Variants in KIAA1217 observed in about 807,000 individuals in gnomAD.
KIAA1217 encodes the protein KIAA1217, also known as sickle tail protein homolog.
Under a neutral mutation model 163.9 loss-of-function variants are expected in KIAA1217, and 88 were observed. The ratio of observed to expected loss-of-function variants is 0.54; its 90% CI spans 0.45 to 0.64. KIAA1217 has a LOEUF of 0.64. Among genes scored for constraint, KIAA1217 ranks in the 30% least tolerant of loss-of-function variants. The probability of loss-of-function intolerance (pLI) is 0.00; values close to 1 mark genes in which losing one functional copy is unlikely to be tolerated. For synonymous variants in KIAA1217, 903 were observed against 923.1 expected, an observed-to-expected ratio of 0.98 and a Z score of 0.39; for missense variants, 2,372 against 2,475.0, an observed-to-expected ratio of 0.96 and a Z score of 0.88.
At chr10:24,139,871 T>A (rs2063983430) in intron 2 of KIAA1217, among the ~76,000 whole-genome samples, 1 of 152,174 alleles carries the variant, frequency 6.6e-6, no homozygotes, top group South Asian at 2.1e-4. Flanking sequence ...TATGATAAAG[T>A]TTAATTTTTA....
intron 1 of KIAA1217, among the ~76,000 whole-genome samples, chr10:23,787,100 A>G (rs1018919767): frequency 6.6e-6 from 1 of 152,230 alleles, no homozygotes; most frequent in Non-Finnish European, 1.5e-5. Context: ...CAAGATAGTA[A>G]AAATGCGAGT....
intron 1 of KIAA1217, among the ~76,000 whole-genome samples, chr10:23,809,870 C>A (rs1449697722): frequency 6.6e-6 from 1 of 152,020 alleles, no homozygotes; most frequent in Non-Finnish European, 1.5e-5. Context: ...AGTTCTTTGA[C>A]TTATGACTTT....
chr10:24,152,726 T>TAAAA (rs34022726), intron 2 of KIAA1217, among the ~76,000 whole-genome samples: 2 of 144,738 alleles, frequency 1.4e-5, no homozygotes, highest in East Asian at 2.1e-4. Context: ...TCTATTCCCT[T>TAAAA]AAAAAAAAAA....
At chr10:24,010,445 A>G (rs1847191612) in intron 2 of KIAA1217, among the ~76,000 whole-genome samples, 2 of 151,814 alleles carry the variant, frequency 1.3e-5, no homozygotes, top group South Asian at 4.1e-4. Context: ...AGTTTTTTGA[A>G]AGTCAGAAAT....
At chr10:24,244,900 A>C (rs1275140793) in intron 2 of KIAA1217, among the ~76,000 whole-genome samples, 1 of 151,884 alleles carries the variant, frequency 6.6e-6, no homozygotes, top group East Asian at 1.9e-4. Context: ...TGATACTTTT[A>C]CTTCCTGACC....
intron 3 of KIAA1217, among the ~76,000 whole-genome samples, chr10:24,420,803 T>A (rs922812328): frequency 5.9e-5 from 9 of 152,182 alleles, no homozygotes; most frequent in Admixed American, 2.0e-4. Flanking sequence ...TTGTATGACC[T>A]CTTCTGTCAT....
intron 2 of KIAA1217, among the ~76,000 whole-genome samples, chr10:24,293,316 C>G (rs2079286575): frequency 6.6e-6 from 1 of 152,194 alleles, no homozygotes; most frequent in Admixed American, 6.5e-5. Flanking sequence ...AGTGATCTGC[C>G]AGCGTCGGCC....
intron 2 of KIAA1217, among the ~76,000 whole-genome samples, chr10:24,164,294 A>C (rs2065245859): frequency 6.6e-6 from 1 of 152,226 alleles, no homozygotes; most frequent in South Asian, 2.1e-4. Context: ...GGTTCACTTC[A>C]AGGATCACAT....
At chr10:24,065,722 G>T (rs2060914573) in intron 2 of KIAA1217, among the ~76,000 whole-genome samples, 1 of 152,156 alleles carries the variant, frequency 6.6e-6, no homozygotes, top group Non-Finnish European at 1.5e-5. Context: ...TCATTGATCT[G>T]TCTCATGTTG....
At chr10:24,110,735 C>T (rs1420152846) in intron 2 of KIAA1217, among the ~76,000 whole-genome samples, 2 of 152,088 alleles carry the variant, frequency 1.3e-5, no homozygotes, top group South Asian at 2.1e-4. Flanking sequence ...AATGGCAAAA[C>T]GGCATAAGTT....
At chr10:23,882,964 A>G (rs1199366572) in intron 1 of KIAA1217, among the ~76,000 whole-genome samples, 2 of 151,960 alleles carry the variant, frequency 1.3e-5, no homozygotes, top group African/African-American at 4.8e-5. Flanking sequence ...GAGAGTTTAC[A>G]TCTTTAGGAT....
chr10:24,009,475 A>G (rs1423558636), intron 2 of KIAA1217, among the ~76,000 whole-genome samples: 15 of 152,190 alleles, frequency 9.9e-5, no homozygotes, highest in Admixed American at 9.2e-4. Context: ...GTTTCAAATT[A>G]TAGCACTAAT....
intron 2 of KIAA1217, among the ~76,000 whole-genome samples, chr10:24,047,768 A>G (rs1849147122): frequency 6.6e-6 from 1 of 152,206 alleles, no homozygotes; most frequent in Non-Finnish European, 1.5e-5. Context: ...TAATACTTGG[A>G]GAACAAAAAG....
At position 23,815,265 on chromosome 10, in the gene KIAA1217, A is replaced by G. The variant is rs1448825398; in HGVS notation, c.-321+120031A>G. Among the ~76,000 whole-genome samples the G allele has an allele frequency of 3.3e-5, 5 of 152,296 alleles. No homozygotes were observed. The East Asian group carries it at 7.7e-4, about 23-fold the overall frequency. On this transcript the variant is annotated intron_variant, in intron 1 of 18. Coordinates refer to the KIAA1217 transcript ENST00000376462. ...TGGTCCCAAGCTCTCACTTTTACAG[A>G]TGAAAAAAAAGCATAAAATTGCTTA... is the stretch of plus-strand genomic sequence containing the variant.
intron 2 of KIAA1217, among the ~76,000 whole-genome samples, chr10:24,173,714 A>G (rs1318827175): frequency 6.6e-6 from 1 of 152,256 alleles, no homozygotes; most frequent in East Asian, 1.9e-4. Flanking sequence ...CAATAATTCT[A>G]GAACTTCAAA....
At chr10:23,896,746 C>G (rs1297933599) in intron 1 of KIAA1217, among the ~76,000 whole-genome samples, 1 of 152,036 alleles carries the variant, frequency 6.6e-6, no homozygotes, top group African/African-American at 2.4e-5. Context: ...GCAAAAACGT[C>G]TTTAAACTTG....
At position 24,214,410 on chromosome 10, in the gene KIAA1217, G is replaced by A. The variant is rs554637942; in HGVS notation, c.70+5147G>A. 3.3e-5 allele frequency among the ~76,000 whole-genome samples: 5 copies of A among 152,226 alleles called. No homozygotes were observed. The South Asian group carries it at 1.0e-3, about 32-fold the overall frequency. On this transcript the variant is annotated intron_variant, in intron 1 of 20. Transcript: ENST00000376454. Reference sequence around the variant, plus strand: ...CCTTGTCACTATGGCATCCCCCACGGCGTTGGAGGGTTCTGCTGGATCCTT... The same window carrying A: ...CCTTGTCACTATGGCATCCCCCACGACGTTGGAGGGTTCTGCTGGATCCTT...
At chr10:24,137,033 A>C (rs1183153681) in intron 2 of KIAA1217, among the ~76,000 whole-genome samples, 1 of 152,246 alleles carries the variant, frequency 6.6e-6, no homozygotes, top group Non-Finnish European at 1.5e-5. Context: ...TCATTAAAAT[A>C]AGGTAACTCT....
chr10:24,096,652 A>T (rs997009108), intron 2 of KIAA1217, among the ~76,000 whole-genome samples: 2 of 151,456 alleles, frequency 1.3e-5, no homozygotes, highest in African/African-American at 2.4e-5. Flanking sequence ...CCTGCAGCAA[A>T]TTTTTTTTAC....
Sources: gnomAD v4.1 joint callset for allele counts (sites outside exome capture counted in the v4.1 genomes callset) on GRCh38, gnomAD v4.1.1 for gene constraint, MANE v1.5 for transcripts, NCBI Gene and HGNC (gene_info 2026-07-23, HGNC 2026-07-21) for gene names.